ERC2: variants seen among roughly 807,000 people sequenced by gnomAD.
The protein encoded by ERC2 is ERC protein 2.
Under a neutral mutation model 114.8 loss-of-function variants are expected in ERC2, and 42 were observed. The ratio of observed to expected loss-of-function variants is 0.37; its 90% confidence interval spans 0.29 to 0.47. The LOEUF is 0.47. Ranked by LOEUF, ERC2 falls within the 20% of genes least tolerant of loss-of-function variation. The probability of loss-of-function intolerance (pLI) is 0.99; values close to 1 mark genes in which losing one functional copy is unlikely to be tolerated. For synonymous variants in ERC2, 454 were observed against 425.5 expected (o/e 1.07, Z -0.82); for missense variants, 939 against 1,150.7 (o/e 0.82, Z 2.66).
At chr3:56,176,924 T>C (rs1169538327) in intron 3 of ERC2, among the ~76,000 whole-genome samples, 1 of 152,186 alleles carries the variant, frequency 6.6e-6, no homozygotes, top group Non-Finnish European at 1.5e-5. Context: ...CGATCAACTT[T>C]CATAAAAACT....
At chr3:56,452,891 A>G (rs1217009336) in intron 1 of ERC2, among the ~76,000 whole-genome samples, 1 of 152,244 alleles carries the variant, frequency 6.6e-6, no homozygotes, top group South Asian at 2.1e-4. Flanking sequence ...GTAAATACTC[A>G]GTACAATCCT....
intron 10 of ERC2, chr3:56,002,955 CACAGAT>C: frequency 5.5e-6 from 3 of 544,600 alleles, no homozygotes; most frequent in Non-Finnish European, 9.5e-6. Context: ...GTGGCCTCAG[CACAGAT>C]CATTTCTTTT....
chr3:56,444,252 T>G (rs896798002), intron 1 of ERC2, among the ~76,000 whole-genome samples: 19 of 151,856 alleles, frequency 1.3e-4, no homozygotes, highest in African/African-American at 4.6e-4. Flanking sequence ...ATTACAGGCG[T>G]GAGCCACCAC....
intron 3 of ERC2, among the ~76,000 whole-genome samples, chr3:56,232,404 GAC>G (rs1242716571): frequency 6.6e-6 from 1 of 152,054 alleles, no homozygotes; most frequent in African/African-American, 2.4e-5. Context: ...ATAGTTTTGG[GAC>G]AGTCTCCCAA....
At position 55,987,125 on chromosome 3, in the gene ERC2, C is replaced by T. The variant is rs148368117; in HGVS notation, c.2256-1137G>A. Among the ~76,000 whole-genome samples, 998 of 152,226 alleles carry T rather than the reference C, an allele frequency of 6.6e-3. 18 individuals carry two copies. Among genetic ancestry groups the T allele is most frequent in the African/African-American group, 0.022 (926 of 41,524 alleles). ...AAGAGAAAATTTAAGATTAACCACA[C>T]GGGGAAAGTGTTGATTTGATAATCC... is the stretch of plus-strand genomic sequence containing the variant. On this transcript the variant is annotated intron_variant, in intron 11 of 17. Transcript: ENST00000288221.
At chr3:56,034,388 G>A (rs776800590) in intron 7 of ERC2, among the ~76,000 whole-genome samples, 6 of 152,070 alleles carry the variant, frequency 3.9e-5, no homozygotes, top group Non-Finnish European at 7.4e-5. Context: ...AATAATAGTA[G>A]GGGACTTCAG....
chr3:55,771,132 A>C (rs1456615872), intron 14 of ERC2, among the ~76,000 whole-genome samples: 1 of 152,182 alleles, frequency 6.6e-6, no homozygotes, highest in East Asian at 1.9e-4. Flanking sequence ...TTATAGTAGA[A>C]TGATTTCTAA....
intron 17 of ERC2, chr3:55,658,994 T>C (rs1257308917): frequency 6.6e-6 from 1 of 152,128 alleles, no homozygotes; most frequent in African/African-American, 2.4e-5. Flanking sequence ...GCAACCTGCA[T>C]CTGCCACCTT....
At chr3:55,581,061 TG>T (rs1183793576) in intron 17 of ERC2, among the ~76,000 whole-genome samples, 4 of 152,288 alleles carry the variant, frequency 2.6e-5, no homozygotes, top group African/African-American at 9.6e-5. Flanking sequence ...AGGAGGTGCC[TG>T]GCCTGTTTCA....
At chr3:55,828,841 A>G (rs1483418931) in intron 14 of ERC2, among the ~76,000 whole-genome samples, 8 of 152,170 alleles carry the variant, frequency 5.3e-5, no homozygotes, top group Non-Finnish European at 1.2e-4. Flanking sequence ...AAACTACACA[A>G]TGTTCAAAAT....
intron 17 of ERC2, among the ~76,000 whole-genome samples, chr3:55,579,946 C>T (rs1165766549): frequency 6.6e-6 from 1 of 152,194 alleles, no homozygotes; most frequent in Non-Finnish European, 1.5e-5. Flanking sequence ...CTACACATTC[C>T]ATGCTAAGCT....
At chr3:55,704,100 C>T (rs1002385475) in intron 15 of ERC2, among the ~76,000 whole-genome samples, 1 of 152,166 alleles carries the variant, frequency 6.6e-6, no homozygotes, top group African/African-American at 2.4e-5. Context: ...AAACTTTATC[C>T]ATTAACTAAA....
At chr3:56,330,933 C>T (rs191863419) in intron 2 of ERC2, among the ~76,000 whole-genome samples, 1 of 152,262 alleles carries the variant, frequency 6.6e-6, no homozygotes, top group Non-Finnish European at 1.5e-5. Context: ...GGTCCGTTTT[C>T]CAGCAAGAGA....
At chr3:56,418,124 A>G (rs1223228216) in intron 2 of ERC2, among the ~76,000 whole-genome samples, 1 of 150,896 alleles carries the variant, frequency 6.6e-6, no homozygotes, top group Non-Finnish European at 1.5e-5. Flanking sequence ...CTGTCTCTAC[A>G]AAAAAAAATT....
chr3:55,634,945 G>A (rs1273530102), intron 17 of ERC2, among the ~76,000 whole-genome samples: 3 of 151,016 alleles, frequency 2.0e-5, no homozygotes, highest in South Asian at 2.1e-4. Flanking sequence ...ATGGTGGCAC[G>A]ATCTCGGCTT....
At chr3:56,016,328 T>G (rs1017057969) in intron 8 of ERC2, among the ~76,000 whole-genome samples, 1 of 152,110 alleles carries the variant, frequency 6.6e-6, no homozygotes, top group Admixed American at 6.6e-5. Flanking sequence ...TCTAGAGTTT[T>G]TACAGTTCTG....
At chr3:55,670,625 CCT>C (rs1175820381) in intron 17 of ERC2, among the ~76,000 whole-genome samples, 1 of 152,150 alleles carries the variant, frequency 6.6e-6, no homozygotes, top group East Asian at 1.9e-4. Flanking sequence ...AAGAGCTTTC[CCT>C]CTCTGTGTCT....
chr3:56,302,116 AC>A (rs935324021), intron 2 of ERC2, among the ~76,000 whole-genome samples: 1 of 152,238 alleles, frequency 6.6e-6, no homozygotes, highest in African/African-American at 2.4e-5. Context: ...CATTTTATAA[AC>A]AAGAAAATTG....
chr3:55,926,446 T>C (rs1480806133), intron 13 of ERC2, among the ~76,000 whole-genome samples: 1 of 151,608 alleles, frequency 6.6e-6, no homozygotes, highest in African/African-American at 2.4e-5. Context: ...ATCGAAGTCC[T>C]ACACCTTGAA....
Sources: gnomAD v4.1 joint callset for allele counts (sites outside exome capture counted in the v4.1 genomes callset) on GRCh38, gnomAD v4.1.1 for gene constraint, MANE v1.5 for transcripts, NCBI Gene and HGNC (gene_info 2026-07-23, HGNC 2026-07-21) for gene names.